Variants in EPHA6 observed in about 807,000 individuals in gnomAD.
EPHA6 encodes the protein EPH receptor A6.
A neutral mutation model predicts 112.0 loss-of-function variants in EPHA6; 50 were observed. The ratio of observed to expected loss-of-function variants is 0.45; its 90% CI spans 0.36 to 0.56. The LOEUF (loss-of-function observed/expected upper bound fraction) is 0.56, where lower values mean the gene tolerates loss of function less well. EPHA6 is among the 20% of genes least tolerant of loss of function. The pLI, the probability that EPHA6 is intolerant of heterozygous loss-of-function variation, is 0.00. For missense variants in EPHA6, 1,280 were observed against 1,417.4 expected (o/e 0.90, Z 1.56); for synonymous variants, 529 against 490.7 (o/e 1.08, Z -1.03).
At chr3:97,468,241 T>C (rs1027833413) in intron 7 of EPHA6, among the ~76,000 whole-genome samples, 6 of 151,728 alleles carry the variant, frequency 4.0e-5, no homozygotes, top group African/African-American at 1.4e-4. Flanking sequence ...GTAATCAGCT[T>C]ACTTGAATGG....
intron 3 of EPHA6, among the ~76,000 whole-genome samples, chr3:97,133,480 G>A (rs1276562387): frequency 6.6e-6 from 1 of 151,918 alleles, no homozygotes; most frequent in Non-Finnish European, 1.5e-5. Context: ...TTAGAAAAAT[G>A]TACAGTTGAC....
intron 3 of EPHA6, among the ~76,000 whole-genome samples, chr3:97,194,920 A>G (rs1466935595): frequency 6.6e-6 from 1 of 151,964 alleles, no homozygotes; most frequent in Non-Finnish European, 1.5e-5. Flanking sequence ...ATGTTTTACC[A>G]TCCCTTTATT....
At chr3:97,263,310 G>A (rs540968199) in intron 5 of EPHA6, among the ~76,000 whole-genome samples, 1 of 152,014 alleles carries the variant, frequency 6.6e-6, no homozygotes, top group East Asian at 1.9e-4. Flanking sequence ...TCAGGGCCTA[G>A]TACAGTGCCT....
chr3:97,343,662 G>A (rs2083413101), intron 5 of EPHA6, among the ~76,000 whole-genome samples: 1 of 152,086 alleles, frequency 6.6e-6, no homozygotes. Flanking sequence ...ACTACCAGAT[G>A]GGACTAAAGG....
chr3:96,939,506 T>A (rs1457803938), intron 2 of EPHA6, among the ~76,000 whole-genome samples: 1 of 152,214 alleles, frequency 6.6e-6, no homozygotes, highest in Non-Finnish European at 1.5e-5. Flanking sequence ...TTCTTCTTTA[T>A]TAGTCTTGCT....
intron 11 of EPHA6, among the ~76,000 whole-genome samples, chr3:97,592,239 G>A (rs1473350045): frequency 5.9e-5 from 9 of 152,104 alleles, no homozygotes; most frequent in Non-Finnish European, 8.8e-5. Flanking sequence ...AGATCTTATC[G>A]TGGCTATTTT....
chr3:97,700,057 C>T (rs767787857), intron 14 of EPHA6, among the ~76,000 whole-genome samples: 8 of 152,174 alleles, frequency 5.3e-5, no homozygotes, highest in Non-Finnish European at 1.2e-4. Context: ...TGAAGCAATA[C>T]CACAACATAT....
At chr3:97,465,841 C>T (rs1163057884) in intron 7 of EPHA6, among the ~76,000 whole-genome samples, 1 of 151,990 alleles carries the variant, frequency 6.6e-6, no homozygotes, top group African/African-American at 2.4e-5. Flanking sequence ...AAGCCTTCCA[C>T]AGGAATTTAG....
intron 14 of EPHA6, chr3:97,648,548 C>T: frequency 1.6e-6 from 2 of 1,240,834 alleles, no homozygotes; most frequent in Non-Finnish European, 2.0e-6. Context: ...ACTTTAAGAA[C>T]TTTAAGAATA....
intron 3 of EPHA6, among the ~76,000 whole-genome samples, chr3:97,056,759 G>A (rs1021387693): frequency 3.9e-5 from 6 of 151,974 alleles, no homozygotes; most frequent in African/African-American, 9.7e-5. Flanking sequence ...TTTGCAACGC[G>A]GCATCTTCAT....
chr3:97,681,739 C>T (rs1206226867), intron 14 of EPHA6, among the ~76,000 whole-genome samples: 2 of 151,876 alleles, frequency 1.3e-5, no homozygotes, highest in Non-Finnish European at 2.9e-5. Context: ...TAATAAAATA[C>T]TTCATTATAA....
intron 7 of EPHA6, among the ~76,000 whole-genome samples, chr3:97,470,494 AC>A (rs2091195521): frequency 6.6e-6 from 1 of 151,780 alleles, no homozygotes; most frequent in Non-Finnish European, 1.5e-5. Context: ...AACAGATTTT[AC>A]TTTGAAATGT....
At chr3:96,973,884 C>A (rs2042413256) in intron 2 of EPHA6, among the ~76,000 whole-genome samples, 1 of 143,178 alleles carries the variant, frequency 7.0e-6, no homozygotes, top group South Asian at 2.1e-4. Context: ...ATGATAGATT[C>A]TGTATATTAT....
At chr3:96,927,020 A>G (rs2040071741) in intron 2 of EPHA6, among the ~76,000 whole-genome samples, 1 of 152,200 alleles carries the variant, frequency 6.6e-6, no homozygotes, top group Admixed American at 6.5e-5. Context: ...CCTGCAGCAG[A>G]CTTTATACTG....
At chr3:97,594,402 A>G (rs2093569937) in intron 12 of EPHA6, among the ~76,000 whole-genome samples, 2 of 152,284 alleles carry the variant, frequency 1.3e-5, no homozygotes, top group East Asian at 1.9e-4. Context: ...AGGAGAGAAA[A>G]CTCAGTTCAG....
intron 3 of EPHA6, among the ~76,000 whole-genome samples, chr3:97,108,796 A>G (rs1009112240): frequency 6.6e-6 from 1 of 152,114 alleles, no homozygotes; most frequent in Non-Finnish European, 1.5e-5. Context: ...ACTTCCAAAT[A>G]CTTCCAGTTA....
At chr3:97,646,533 C>A (rs1307594063) in intron 14 of EPHA6, among the ~76,000 whole-genome samples, 1 of 152,082 alleles carries the variant, frequency 6.6e-6, no homozygotes, top group African/African-American at 2.4e-5. Context: ...TATAGAGCGA[C>A]CATATTTCAG....
intron 1 of EPHA6, among the ~76,000 whole-genome samples, chr3:96,841,517 G>C (rs2034747190): frequency 1.3e-5 from 2 of 152,012 alleles, no homozygotes; most frequent in Non-Finnish European, 2.9e-5. Flanking sequence ...AATGAATGTA[G>C]ATCAGAAGAA....
At chr3:97,585,413 A>G (rs1255474352) in intron 11 of EPHA6, among the ~76,000 whole-genome samples, 3 of 152,216 alleles carry the variant, frequency 2.0e-5, no homozygotes, top group Non-Finnish European at 4.4e-5. Flanking sequence ...TAATTTTGTG[A>G]TACGCGTTCT....
Sources: allele counts gnomAD v4.1 joint callset (sites outside exome capture counted in the v4.1 genomes callset), GRCh38; gene constraint gnomAD v4.1.1; transcripts MANE v1.5; gene names NCBI Gene and HGNC (gene_info 2026-07-23, HGNC 2026-07-21).